The following SLC39A12 variants were observed in gnomAD, a reference collection of about 807,000 sequenced individuals.
SLC39A12 encodes zinc transporter ZIP12.
In SLC39A12, 63 loss-of-function variants were observed where a neutral mutation model predicts 71.1. The ratio of observed to expected loss-of-function variants is 0.89; its 90% CI spans 0.72 to 1.09. The LOEUF is 1.09. SLC39A12 is among the 50% of genes least tolerant of loss of function. SLC39A12 has a pLI of 0.00. For synonymous variants in SLC39A12, 351 were observed against 301.3 expected (o/e 1.16, Z -1.71); for missense variants, 892 against 812.6 (o/e 1.10, Z -1.19).
chr10:17,980,544 A>T (rs1835227660), intron 5 of SLC39A12, among the ~76,000 whole-genome samples: 1 of 151,130 alleles, frequency 6.6e-6, no homozygotes, highest in Non-Finnish European at 1.5e-5. Flanking sequence ...TTTGAAGTAC[A>T]CAACGTCAAC....
intron 12 of SLC39A12, among the ~76,000 whole-genome samples, chr10:18,033,377 G>C (rs1324954936): frequency 6.7e-6 from 1 of 149,266 alleles, no homozygotes; most frequent in Admixed American, 6.7e-5. Flanking sequence ...GTTTAGTCTT[G>C]GGAGGGTGTA....
chr10:18,019,531 T>C (rs1432196203), intron 12 of SLC39A12, among the ~76,000 whole-genome samples: 1 of 152,058 alleles, frequency 6.6e-6, no homozygotes, highest in Non-Finnish European at 1.5e-5. Context: ...TCTGATTCTT[T>C]TCTGAAATTC....
At chr10:18,009,616 T>C (rs1836143097) in intron 12 of SLC39A12, 2 of 152,286 alleles carry the variant, frequency 1.3e-5, no homozygotes, top group South Asian at 2.1e-4. Context: ...AGGCAGGGGA[T>C]TGGGGGGAGC....
At chr10:17,968,539 C>T (rs114889669) in intron 4 of SLC39A12, among the ~76,000 whole-genome samples, 2,062 of 152,218 alleles carry the variant, frequency 0.014, 41 homozygotes, top group African/African-American at 0.043. Context: ...GGCAGGTCTG[C>T]TAGCAATAAA....
At chr10:17,995,405 A>T (rs1298645637) in intron 9 of SLC39A12, among the ~76,000 whole-genome samples, 2 of 152,214 alleles carry the variant, frequency 1.3e-5, no homozygotes, top group African/African-American at 4.8e-5. Context: ...AGCAGCCTTC[A>T]GCTCTCTATG....
intron 12 of SLC39A12, among the ~76,000 whole-genome samples, chr10:18,041,234 G>A (rs1315153509): frequency 3.5e-4 from 53 of 151,942 alleles, no homozygotes; most frequent in Admixed American, 3.5e-3. Flanking sequence ...AATGGTGTTA[G>A]GCCATTTCAC....
rs897358889 is a variant in SLC39A12 at position 18,011,364 on chromosome 10, C to T, written c.1947+8006C>T. ...TCAGCTTCCCAAAATGCTGGGATTACAGGCATGAGCCACTGCACTCATCCC... is the reference window on the plus strand; with the variant it reads ...TCAGCTTCCCAAAATGCTGGGATTATAGGCATGAGCCACTGCACTCATCCC... On this transcript the variant is annotated intron_variant, in intron 12 of 12. Coordinates refer to ENST00000377369, the MANE Select transcript of SLC39A12 (RefSeq NM_001145195.2). Among the ~76,000 whole-genome samples, 5 of 152,352 alleles carry T rather than the reference C, an allele frequency of 3.3e-5. No individual in the cohort carries two copies. In the East Asian group the frequency reaches 9.6e-4, roughly 29 times the overall value.
chr10:17,978,799 T>A (rs553283928), intron 5 of SLC39A12, among the ~76,000 whole-genome samples: 1 of 152,346 alleles, frequency 6.6e-6, no homozygotes, highest in South Asian at 2.1e-4. Context: ...CTTGATGGTA[T>A]CCTAACGTGG....
chr10:18,007,471 C>T (rs1371635509), intron 12 of SLC39A12, among the ~76,000 whole-genome samples: 2 of 152,104 alleles, frequency 1.3e-5, no homozygotes, highest in South Asian at 2.1e-4. Context: ...CTAATCCAGA[C>T]CCCAAGAGAG....
chr10:17,981,759 T>A (rs1396578652), intron 6 of SLC39A12, among the ~76,000 whole-genome samples: 2 of 152,058 alleles, frequency 1.3e-5, no homozygotes, highest in African/African-American at 4.8e-5. Flanking sequence ...GGCCCTGGAG[T>A]CCTTGTTTCT....
rs1564665854 is a variant in SLC39A12 at position 18,036,765 on chromosome 10, TATATATATATATATATA to T, written c.1948-5939_1948-5923del. On this transcript the variant is annotated intron_variant, in intron 12 of 12. Transcript: ENST00000377369. ...TAAAAATTATATATATATATATATA[TATATATATATATATATA>T]TATATATATATATTTTTTTTTTTAA... is the stretch of plus-strand genomic sequence containing the variant. Among the ~76,000 whole-genome samples the T allele has an allele frequency of 1.4e-3, 22 of 15,410 alleles. 2 individuals carry two copies. Among genetic ancestry groups the T allele is most frequent in the African/African-American group, 3.1e-3 (18 of 5,734 alleles). 10.1% of individuals were successfully genotyped at this position (15,410 alleles called of 152,430 possible).
chr10:17,986,377 A>T (rs910979452), intron 6 of SLC39A12, among the ~76,000 whole-genome samples: 7 of 152,198 alleles, frequency 4.6e-5, no homozygotes, highest in African/African-American at 1.7e-4. Flanking sequence ...TGGCTTATGT[A>T]AACAACAGAC....
chr10:17,970,628 GTTGTA>G (rs1034407285), intron 4 of SLC39A12, among the ~76,000 whole-genome samples: 61 of 151,188 alleles, frequency 4.0e-4, no homozygotes, highest in African/African-American at 1.4e-3. Flanking sequence ...GTATGTTGAT[GTTGTA>G]TTCTGCAACT....
At chr10:18,028,631 C>A (rs1269825083) in intron 12 of SLC39A12, among the ~76,000 whole-genome samples, 1 of 152,118 alleles carries the variant, frequency 6.6e-6, no homozygotes, top group Non-Finnish European at 1.5e-5. Context: ...GATGGTTCTC[C>A]TAATTTCCTT....
At chr10:17,976,021 C>A (rs546421458) in intron 4 of SLC39A12, among the ~76,000 whole-genome samples, 217 of 152,292 alleles carry the variant, frequency 1.4e-3, no homozygotes, top group African/African-American at 5.0e-3. Flanking sequence ...GCTCTCTGCA[C>A]CACACTGCTG....
chr10:18,037,667 C>G (rs1837095001), intron 12 of SLC39A12, among the ~76,000 whole-genome samples: 2 of 152,078 alleles, frequency 1.3e-5, no homozygotes, highest in Non-Finnish European at 2.9e-5. Context: ...ATAAAATAAG[C>G]ATTGCATAAG....
Position 18,026,592 on chromosome 10 carries a change from T to G in SLC39A12, c.1948-16113T>G, listed in dbSNP as rs1172946623. The stretch of plus-strand genomic sequence containing the variant: ...GTGTTTGACATTAATTTGGAGAAAT[T>G]CTCAGTATTGTTTCAAATATTCCTT... On this transcript the variant is annotated intron_variant, in intron 12 of 12. Transcript: ENST00000377369. Among the ~76,000 whole-genome samples the G allele has an allele frequency of 3.3e-5, 5 of 152,164 alleles. No homozygotes were observed. The East Asian group carries it at 9.6e-4, about 29-fold the overall frequency.
rs368704648 is a variant in SLC39A12 at position 18,017,117 on chromosome 10, A to G, written c.1947+13759A>G. Reference sequence around the variant, plus strand: ...TGGCCCAAATAAATTATTTACTTATATATTTTTAAAAATACATTTTAATTT... The same window carrying G: ...TGGCCCAAATAAATTATTTACTTATGTATTTTTAAAAATACATTTTAATTT... On this transcript the variant is annotated intron_variant, in intron 12 of 12. Coordinates refer to ENST00000377369, the MANE Select transcript of SLC39A12 (RefSeq NM_001145195.2). Among the ~76,000 whole-genome samples, 7 of 152,100 alleles carry G rather than the reference A, an allele frequency of 4.6e-5. No individual in the cohort carries two copies. The East Asian group carries it at 1.4e-3, about 29-fold the overall frequency.
In SLC39A12 at chr10:17,953,420, G is replaced by T. The variant is rs377370181; in HGVS notation, c.144G>T (p.Gln48His). The T allele has an allele frequency of 9.3e-6, 15 of 1,614,166 alleles. No individual in the cohort carries two copies. In the African/African-American group the frequency reaches 1.6e-4, roughly 17 times the overall value. ...CAGGCCAACCGGCAGACCTGCTACA[G>T]GTTCTCTCTGCTGGTGACCACCCAC... ...GSSGQPADLL[Q>H]VLSAGDHPPH... Residue 48 changes from glutamine to histidine, a missense_variant, in exon 2 of 13, where the codon CAG becomes CAT. Coordinates refer to ENST00000377369, the MANE Select transcript of SLC39A12 (RefSeq NM_001145195.2).
Sources: allele counts gnomAD v4.1 joint callset (sites outside exome capture counted in the v4.1 genomes callset), GRCh38; gene constraint gnomAD v4.1.1; transcripts MANE v1.5; gene names NCBI Gene and HGNC (gene_info 2026-07-23, HGNC 2026-07-21).